Variants in RBFOX2 observed in about 807,000 individuals in gnomAD.
The protein encoded by RBFOX2 is RNA binding protein fox-1 homolog 2.
A neutral mutation model predicts 49.1 loss-of-function variants in RBFOX2; 10 were observed. The ratio of observed to expected loss-of-function variants is 0.20; its 90% CI spans 0.13 to 0.35. The LOEUF (loss-of-function observed/expected upper bound fraction) is 0.35, where lower values mean the gene tolerates loss of function less well. Among genes scored for constraint, RBFOX2 ranks in the 10% least tolerant of loss-of-function variants. The pLI is 1.00. For missense variants in RBFOX2, 323 were observed against 486.9 expected (o/e 0.66, Z 3.17); for synonymous variants, 183 against 187.4 (o/e 0.98, Z 0.19).
Position 35,800,692 on chromosome 22 carries a change from T to C in RBFOX2, c.252+9088A>G, listed in dbSNP as rs568628355. On this transcript the variant is annotated intron_variant, in intron 2 of 11. Coordinates refer to ENST00000405409, the Ensembl canonical transcript of RBFOX2. The stretch of plus-strand genomic sequence containing the variant: ...CCTCAGAACTGCCATAATACAATTG[T>C]ACCTAGTTTTTTTTTTTTCCCCCAA... Among the ~76,000 whole-genome samples the C allele has an allele frequency of 3.9e-4, 57 of 147,798 alleles. No individual in the cohort carries two copies. The East Asian group carries it at 7.6e-3, about 20-fold the overall frequency.
intron 1 of RBFOX2, among the ~76,000 whole-genome samples, chr22:36,006,284 T>C (rs1029940190): frequency 6.6e-6 from 1 of 152,158 alleles, no homozygotes; most frequent in African/African-American, 2.4e-5. Context: ...TAAATTCAAA[T>C]ATAATCAAAC....
chr22:35,869,604 G>A (rs1462337101), intron 1 of RBFOX2, among the ~76,000 whole-genome samples: 1 of 150,978 alleles, frequency 6.6e-6, no homozygotes, highest in Non-Finnish European at 1.5e-5. Flanking sequence ...GATTCTAGGC[G>A]TGAGCCTTTT....
chr22:35,951,450 G>C (rs2054928911), intron 1 of RBFOX2, among the ~76,000 whole-genome samples: 1 of 149,630 alleles, frequency 6.7e-6, no homozygotes, highest in Non-Finnish European at 1.5e-5. Flanking sequence ...TCTCTATGTT[G>C]GTCAGGCTGG....
intron 4 of RBFOX2, among the ~76,000 whole-genome samples, chr22:35,771,829 T>TG (rs1384864506): frequency 6.6e-6 from 1 of 152,172 alleles, no homozygotes; most frequent in Non-Finnish European, 1.5e-5. Flanking sequence ...CCAGAAACAG[T>TG]GCTAAAGATG....
rs191124222 is a variant in RBFOX2 at position 35,975,229 on chromosome 22, G to A, written c.187-36332C>T. Reference sequence around the variant, plus strand: ...ATCAATTTCTGCACCTATCTTGTATGAATTGGTAATAAACAGCAAACTAGT... The same window carrying A: ...ATCAATTTCTGCACCTATCTTGTATAAATTGGTAATAAACAGCAAACTAGT... On this transcript the variant is annotated intron_variant, in intron 1 of 13. Coordinates refer to the RBFOX2 transcript ENST00000438146. 6.6e-5 allele frequency among the ~76,000 whole-genome samples: 10 copies of A among 152,244 alleles called. No individual in the cohort carries two copies. In the East Asian group the frequency reaches 1.7e-3, roughly 26 times the overall value.
chr22:35,792,466 A>C (rs1043865633), intron 2 of RBFOX2, among the ~76,000 whole-genome samples: 1 of 152,188 alleles, frequency 6.6e-6, no homozygotes, highest in Non-Finnish European at 1.5e-5. Flanking sequence ...TTAACTTTTT[A>C]TATCAGATTT....
intron 1 of RBFOX2, chr22:35,898,060 G>C (rs2048089237): frequency 1.4e-6 from 1 of 730,496 alleles, no homozygotes; most frequent in African/African-American, 1.7e-5. Flanking sequence ...TCGTCAGATA[G>C]AATCTTTATC....
rs187105699 is a variant in RBFOX2 at position 36,000,970 on chromosome 22, C to A, written c.186+27270G>T. On this transcript the variant is annotated intron_variant, in intron 1 of 13. Coordinates refer to the RBFOX2 transcript ENST00000438146. Reference sequence around the variant, plus strand: ...TCAGTTTAGGAAACTGAGGTTCTGACAGATTATATGATTTGCACAAAGTCA... The same window carrying A: ...TCAGTTTAGGAAACTGAGGTTCTGAAAGATTATATGATTTGCACAAAGTCA... Among the ~76,000 whole-genome samples, 32 of 152,116 alleles carry A rather than the reference C, an allele frequency of 2.1e-4. No individual in the cohort carries two copies. In the East Asian group the frequency reaches 6.2e-3, roughly 29 times the overall value.
chr22:35,906,265 A>G (rs952904665), intron 1 of RBFOX2, among the ~76,000 whole-genome samples: 3 of 152,234 alleles, frequency 2.0e-5, no homozygotes, highest in Non-Finnish European at 4.4e-5. Context: ...GGGGAAAGAC[A>G]CTGGGAACTC....
chr22:35,774,659 A>G (rs1400409897), intron 4 of RBFOX2, among the ~76,000 whole-genome samples: 13 of 152,226 alleles, frequency 8.5e-5, no homozygotes, highest in Non-Finnish European at 1.8e-4. Context: ...AAAAAAGGAA[A>G]AAACTAGTCA....
At chr22:35,906,409 A>C (rs142558994) in intron 1 of RBFOX2, among the ~76,000 whole-genome samples, 32 of 152,336 alleles carry the variant, frequency 2.1e-4, no homozygotes, top group African/African-American at 7.2e-4. Context: ...ATCCCTAAGA[A>C]ATGTATAATC....
chr22:35,898,101 G>A, intron 1 of RBFOX2: 2 of 739,750 alleles, frequency 2.7e-6, no homozygotes, highest in South Asian at 2.7e-5. Context: ...ACAGAAGCTA[G>A]CCCAGGTCTC....
At chr22:35,831,523 C>G (rs1223009317) in intron 1 of RBFOX2, among the ~76,000 whole-genome samples, 1 of 152,096 alleles carries the variant, frequency 6.6e-6, no homozygotes, top group African/African-American at 2.4e-5. Flanking sequence ...TTTCAGTGTC[C>G]GTAAATAGTT....
At chr22:35,934,257 AT>A (rs1372054030) in intron 1 of RBFOX2, among the ~76,000 whole-genome samples, 3 of 152,046 alleles carry the variant, frequency 2.0e-5, no homozygotes. Flanking sequence ...ACATCTATAT[AT>A]AAGGATCTTG....
chr22:36,015,601 A>G (rs949724334), intron 1 of RBFOX2, among the ~76,000 whole-genome samples: 3 of 152,220 alleles, frequency 2.0e-5, no homozygotes, highest in African/African-American at 4.8e-5. Context: ...ACACAATCCT[A>G]TCTTATCCCC....
chr22:35,936,668 G>A (rs905217077), intron 1 of RBFOX2, among the ~76,000 whole-genome samples: 5 of 152,116 alleles, frequency 3.3e-5, no homozygotes, highest in African/African-American at 1.2e-4. Flanking sequence ...CATGGCAAAG[G>A]GTCTGTAACA....
chr22:35,763,797 A>T (rs1419902162), intron 6 of RBFOX2, among the ~76,000 whole-genome samples: 1 of 152,166 alleles, frequency 6.6e-6, no homozygotes, highest in Non-Finnish European at 1.5e-5. Context: ...ATAATTTCTT[A>T]AAAAATCCTG....
At chr22:35,967,666 G>T (rs1475818598) in intron 1 of RBFOX2, among the ~76,000 whole-genome samples, 1 of 152,126 alleles carries the variant, frequency 6.6e-6, no homozygotes, top group African/African-American at 2.4e-5. Context: ...ATAAAACTGA[G>T]AATTTTGACA....
intron 1 of RBFOX2, among the ~76,000 whole-genome samples, chr22:35,817,477 A>AAAATAAATAAAT (rs35010904): frequency 6.0e-5 from 9 of 149,398 alleles, no homozygotes; most frequent in South Asian, 2.2e-4. Context: ...ACTTTGTCTC[A>AAAATAAATAAAT]AAATAAATAA....
Sources: allele counts gnomAD v4.1 joint callset (sites outside exome capture counted in the v4.1 genomes callset), GRCh38; gene constraint gnomAD v4.1.1; transcripts MANE v1.5; gene names NCBI Gene and HGNC (gene_info 2026-07-23, HGNC 2026-07-21).